CDH8: variants seen among roughly 807,000 people sequenced by gnomAD.
CDH8 encodes cadherin-8.
CDH8 carries 17 observed loss-of-function variants against 68.1 expected under a neutral mutation model. That is an observed-to-expected ratio of 0.25 (90% CI 0.17 to 0.37). The LOEUF (loss-of-function observed/expected upper bound fraction) is 0.37. Among genes scored for constraint, CDH8 ranks in the 10% least tolerant of loss-of-function variants. CDH8 has a pLI of 1.00. For missense variants in CDH8, 763 were observed against 999.3 expected, an observed-to-expected ratio of 0.76 and a Z score of 3.19; for synonymous variants, 372 against 365.1, an observed-to-expected ratio of 1.02 and a Z score of -0.21.
At chr16:61,697,406 A>G (rs1273539314) in intron 10 of CDH8, among the ~76,000 whole-genome samples, 1 of 152,124 alleles carries the variant, frequency 6.6e-6, no homozygotes, top group Non-Finnish European at 1.5e-5. Flanking sequence ...ACCCTTACCC[A>G]GGAATTGATT....
intron 7 of CDH8, among the ~76,000 whole-genome samples, chr16:61,809,140 C>G (rs768330170): frequency 6.6e-6 from 1 of 150,818 alleles, no homozygotes. Flanking sequence ...GAGCCGAGAT[C>G]GAGCCATTGC....
intron 9 of CDH8, among the ~76,000 whole-genome samples, chr16:61,715,409 T>G (rs1280218312): frequency 6.6e-6 from 1 of 151,570 alleles, no homozygotes; most frequent in Non-Finnish European, 1.5e-5. Flanking sequence ...TCTCTGAAAC[T>G]TCAATTTCTT....
In CDH8 at chr16:61,804,646, G is replaced by A. The variant is rs370080454; in HGVS notation, c.1277+12833C>T. On this transcript the variant is annotated intron_variant, in intron 7 of 11. Coordinates refer to ENST00000577390, the MANE Select transcript of CDH8 (RefSeq NM_001796.5). ...AAATGATAAAGGGGATATCACCACCGATCCCACAGAAATACAAACTACCAT... is the reference window on the plus strand; with the variant it reads ...AAATGATAAAGGGGATATCACCACCAATCCCACAGAAATACAAACTACCAT... Among the ~76,000 whole-genome samples the A allele has an allele frequency of 5.9e-4, 88 of 150,140 alleles. 1 individual carries two copies. In the East Asian group the frequency reaches 0.012, roughly 21 times the overall value.
At chr16:61,678,962 T>G (rs191394098) in intron 10 of CDH8, among the ~76,000 whole-genome samples, 100 of 152,190 alleles carry the variant, frequency 6.6e-4, no homozygotes, top group African/African-American at 2.3e-3. Flanking sequence ...ACTTGGAGTC[T>G]GATGGTCATC....
At chr16:61,727,468 A>G (rs540795545) in intron 8 of CDH8, among the ~76,000 whole-genome samples, 95 of 151,274 alleles carry the variant, frequency 6.3e-4, no homozygotes, top group African/African-American at 2.2e-3. Flanking sequence ...ATAAATTAAA[A>G]GAGGTTTCTT....
intron 3 of CDH8, among the ~76,000 whole-genome samples, chr16:61,897,206 T>C (rs1963882656): frequency 6.6e-6 from 1 of 151,818 alleles, no homozygotes; most frequent in South Asian, 2.1e-4. Flanking sequence ...AATATATACA[T>C]GTGTATGTAT....
rs185288578 is a variant in CDH8, at chr16:61,800,370, T to C, written c.1278-10888A>G. Among the ~76,000 whole-genome samples, 5 of 152,314 alleles carry C rather than the reference T, an allele frequency of 3.3e-5. No individual in the cohort carries two copies. In the East Asian group the frequency reaches 7.7e-4, roughly 24 times the overall value. On this transcript the variant is annotated intron_variant, in intron 7 of 11. Transcript: ENST00000577390. ...GATCATGTATTTGATGTCCAATAAA[T>C]GTTAGCCAGAAATGTGTCCTCTTTT...
In CDH8 at chr16:61,782,113, G is replaced by C. The variant is rs1048559413; in HGVS notation, c.1414+7233C>G. 2.6e-5 allele frequency among the ~76,000 whole-genome samples: 4 copies of C among 152,160 alleles called. No individual in the cohort carries two copies. The South Asian group carries it at 8.3e-4, about 32-fold the overall frequency. On this transcript the variant is annotated intron_variant, in intron 8 of 11. Transcript: ENST00000577390. ...AAGATGGCCGAATAGGAACAGCTCC[G>C]GTCTACAGCTCCCAGCGTGAGCGAC...
At chr16:61,902,365 G>A (rs77807566) in intron 2 of CDH8, among the ~76,000 whole-genome samples, 3,321 of 152,130 alleles carry the variant, frequency 0.022, 111 homozygotes, top group African/African-American at 0.076. Flanking sequence ...TTTTCTCTCA[G>A]GCTGGAGACA....
chr16:61,935,951 GGT>G (rs977651974), intron 2 of CDH8, among the ~76,000 whole-genome samples: 1 of 152,016 alleles, frequency 6.6e-6, no homozygotes, highest in African/African-American at 2.4e-5. Context: ...GCATTGTGAA[GGT>G]TTACAGCACA....
At chr16:61,662,951 C>A (rs889524978) in intron 10 of CDH8, among the ~76,000 whole-genome samples, 3 of 151,856 alleles carry the variant, frequency 2.0e-5, no homozygotes, top group African/African-American at 7.2e-5. Flanking sequence ...AAATAATATA[C>A]CAAGAAAAAA....
chr16:61,768,314 TTCTCTCTCTC>T (rs1206629963), intron 8 of CDH8, among the ~76,000 whole-genome samples: 546 of 17,142 alleles, frequency 0.032, 6 homozygotes, highest in Non-Finnish European at 0.039. Flanking sequence ...GTCTCTCCCT[TTCTCTCTCTC>T]TCTCTCTCTC....
chr16:61,896,954 T>C (rs1963877566), intron 3 of CDH8, among the ~76,000 whole-genome samples: 1 of 151,850 alleles, frequency 6.6e-6, no homozygotes, highest in Admixed American at 6.6e-5. Context: ...ATAGTCAACC[T>C]GATAATAAGG....
intron 2 of CDH8, among the ~76,000 whole-genome samples, chr16:61,997,775 A>C (rs1965830378): frequency 6.6e-6 from 1 of 152,162 alleles, no homozygotes; most frequent in Admixed American, 6.5e-5. Flanking sequence ...TTTGTTAAAA[A>C]CGCCTAACTT....
At chr16:61,779,768 T>G (rs969204871) in intron 8 of CDH8, among the ~76,000 whole-genome samples, 1 of 152,172 alleles carries the variant, frequency 6.6e-6, no homozygotes, top group South Asian at 2.1e-4. Flanking sequence ...TTACTCTCCA[T>G]AATAAAATGC....
chr16:61,850,780 C>T (rs951027852), intron 4 of CDH8, among the ~76,000 whole-genome samples: 1 of 151,896 alleles, frequency 6.6e-6, no homozygotes, highest in Admixed American at 6.6e-5. Context: ...TCTCTGTTAT[C>T]ACTACTCTAA....
At chr16:61,877,607 T>C (rs1239005567) in intron 3 of CDH8, among the ~76,000 whole-genome samples, 2 of 152,154 alleles carry the variant, frequency 1.3e-5, no homozygotes, top group Non-Finnish European at 2.9e-5. Flanking sequence ...ACTTCCAGAC[T>C]CTACACATTT....
At chr16:61,921,611 C>A (rs1703546259) in intron 2 of CDH8, among the ~76,000 whole-genome samples, 2 of 152,122 alleles carry the variant, frequency 1.3e-5, no homozygotes, top group African/African-American at 4.8e-5. Flanking sequence ...ATAATAAAAT[C>A]TGGAAGTTCT....
intron 2 of CDH8, among the ~76,000 whole-genome samples, chr16:61,934,374 CTATG>C (rs1964594540): frequency 6.6e-6 from 1 of 152,052 alleles, no homozygotes; most frequent in Non-Finnish European, 1.5e-5. Context: ...AGTTGTAATT[CTATG>C]CTAGTTAGTG....
Sources: gnomAD v4.1 joint callset for allele counts (sites outside exome capture counted in the v4.1 genomes callset) on GRCh38, gnomAD v4.1.1 for gene constraint, MANE v1.5 for transcripts, NCBI Gene and HGNC (gene_info 2026-07-23, HGNC 2026-07-21) for gene names.